The following SLC1A3 variants were observed in gnomAD, a reference collection of about 807,000 sequenced individuals.
SLC1A3 encodes solute carrier family 1 member 3.
SLC1A3 carries 21 observed loss-of-function variants against 48.1 expected under a neutral mutation model. The observed-to-expected ratio is 0.44, with a 90% CI of 0.31 to 0.63. The LOEUF is 0.63. Ranked by LOEUF, SLC1A3 falls within the 20% of genes least tolerant of loss-of-function variation. The pLI, the probability that SLC1A3 is intolerant of heterozygous loss-of-function variation, is 0.08. For missense variants in SLC1A3, 546 were observed against 689.0 expected (o/e 0.79, Z 2.32); for synonymous variants, 239 against 251.4 (o/e 0.95, Z 0.47).
intron 3 of SLC1A3, among the ~76,000 whole-genome samples, chr5:36,662,039 A>G (rs1741533963): frequency 6.6e-6 from 1 of 152,232 alleles, no homozygotes; most frequent in African/African-American, 2.4e-5. Flanking sequence ...CTACTCATCC[A>G]GTGGTCAGTT....
chr5:36,632,539 T>C (rs906027058), intron 3 of SLC1A3, among the ~76,000 whole-genome samples: 1 of 152,216 alleles, frequency 6.6e-6, no homozygotes. Flanking sequence ...GTAGCCATTC[T>C]GGTCTTTTCT....
chr5:36,679,615 G>T lies in SLC1A3; in HGVS notation c.861-12G>T, dbSNP rs1742351032. 6.3e-7 allele frequency: 1 copy of T among 1,588,742 alleles called. No individual in the cohort carries two copies. ...ACCAGACTCCAACCGTGCTGGTGTT[G>T]CTTCTCCCCAGGTATGCCCCCGTGG... On this transcript the variant is annotated splice_polypyrimidine_tract_variant and intron_variant, in intron 6 of 9. Coordinates refer to ENST00000265113, the MANE Select transcript of SLC1A3 (RefSeq NM_004172.5).
intron 8 of SLC1A3, among the ~76,000 whole-genome samples, chr5:36,683,298 AG>A (rs1742509810): frequency 6.6e-6 from 1 of 152,258 alleles, no homozygotes; most frequent in Non-Finnish European, 1.5e-5. Flanking sequence ...CAACTTCACA[AG>A]GGTCATTGTA....
At chr5:36,654,488 C>G (rs1741211588) in intron 3 of SLC1A3, among the ~76,000 whole-genome samples, 2 of 152,190 alleles carry the variant, frequency 1.3e-5, no homozygotes, top group Non-Finnish European at 2.9e-5. Context: ...AATGCTGCAG[C>G]CTCCCTAAGA....
intron 3 of SLC1A3, among the ~76,000 whole-genome samples, chr5:36,636,853 C>T (rs372171): frequency 0.19 from 29,472 of 151,970 alleles, 4,609 homozygotes; most frequent in African/African-American, 0.43. Context: ...TGCAACCTTG[C>T]TACCAGAGCA....
At chr5:36,607,262 C>G (rs915084144) in intron 1 of SLC1A3, 2 of 152,140 alleles carry the variant, frequency 1.3e-5, no homozygotes, top group East Asian at 1.9e-4. Context: ...GTTACCTCCC[C>G]CACAGGCGCA....
intron 2 of SLC1A3, among the ~76,000 whole-genome samples, chr5:36,626,144 T>C (rs556052660): frequency 5.3e-5 from 8 of 152,100 alleles, no homozygotes; most frequent in Non-Finnish European, 1.2e-4. Context: ...GAGAAGGTAG[T>C]AGAACACCCA....
upstream of SLC1A3, among the ~76,000 whole-genome samples, chr5:36,602,329 A>G (rs1219948052): frequency 6.6e-6 from 1 of 152,222 alleles, no homozygotes; most frequent in Non-Finnish European, 1.5e-5. Context: ...CTACAGGACC[A>G]GTAATAATAG....
chr5:36,683,395 G>A (rs1742514476), intron 8 of SLC1A3, among the ~76,000 whole-genome samples: 1 of 140,034 alleles, frequency 7.1e-6, no homozygotes, highest in African/African-American at 2.8e-5. Context: ...ATGATGATTA[G>A]TTCAATTTTT....
chr5:36,602,487 T>G (rs1392988421), upstream of SLC1A3, among the ~76,000 whole-genome samples: 1 of 152,232 alleles, frequency 6.6e-6, no homozygotes, highest in Non-Finnish European at 1.5e-5. Flanking sequence ...TAAACGGATA[T>G]TCTTGGTTCT....
At chr5:36,635,493 A>C (rs1740304101) in intron 3 of SLC1A3, among the ~76,000 whole-genome samples, 1 of 152,262 alleles carries the variant, frequency 6.6e-6, no homozygotes, top group Non-Finnish European at 1.5e-5. Flanking sequence ...TTTCCTATTA[A>C]GGTAAATTGA....
intron 3 of SLC1A3, among the ~76,000 whole-genome samples, chr5:36,632,318 A>G (rs1469765556): frequency 3.9e-5 from 6 of 152,222 alleles, no homozygotes; most frequent in African/African-American, 9.6e-5. Flanking sequence ...ACCCATTCCA[A>G]TGTAATTCCA....
At chr5:36,667,727 C>T (rs1741813625) in intron 3 of SLC1A3, 1 of 152,176 alleles carries the variant, frequency 6.6e-6, no homozygotes, top group South Asian at 2.1e-4. Flanking sequence ...GTACAAAACA[C>T]ACACACAAAT....
intron 1 of SLC1A3, among the ~76,000 whole-genome samples, chr5:36,599,752 C>A (rs1399900690): frequency 6.6e-6 from 1 of 151,906 alleles, no homozygotes; most frequent in Non-Finnish European, 1.5e-5. Flanking sequence ...GTGATCCACC[C>A]GCTTAGGCCT....
At chr5:36,641,230 A>T (rs1416355670) in intron 3 of SLC1A3, among the ~76,000 whole-genome samples, 1 of 152,210 alleles carries the variant, frequency 6.6e-6, no homozygotes, top group Non-Finnish European at 1.5e-5. Flanking sequence ...ATGTATGGGC[A>T]CACATAGCTT....
intron 4 of SLC1A3, 99 bp from the exon 5 acceptor site, chr5:36,673,950 G>A (rs1350703955): frequency 4.4e-6 from 4 of 915,750 alleles, no homozygotes; most frequent in Non-Finnish European, 5.5e-6. Flanking sequence ...TTTGTTGCTT[G>A]GTTCAATGCA....
rs1167208574 is a variant in SLC1A3, at chr5:36,686,084, A to T, written c.1444A>T (p.Thr482Ser). 1 of 1,613,938 alleles carries T rather than the reference A, an allele frequency of 6.2e-7. No homozygotes were observed. Among genetic ancestry groups the T allele is most frequent in the East Asian group, 2.2e-5 (1 of 44,876 alleles). ...DWFLDRLRTT[T>S]NVLGDSLGAG... ...CTGCAGGGATCGCCTCCGGACCACC[A>T]CCAACGTACTGGGAGACTCCCTGGG... Residue 482 changes from threonine to serine, a missense_variant, in exon 10 of 10, where the codon ACC becomes TCC. Thr to Ser is a moderately conservative substitution (Grantham distance 58). Coordinates refer to ENST00000265113, the MANE Select transcript of SLC1A3 (RefSeq NM_004172.5).
chr5:36,683,897 T>G lies in SLC1A3; in HGVS notation c.1323T>G (p.Ala441=). 4 of 1,614,196 alleles carry G rather than the reference T, an allele frequency of 2.5e-6. No homozygotes were observed. The highest frequency in any genetic ancestry group is 3.4e-6 in the Non-Finnish European group (4 of 1,180,014). Residue 441 remains alanine, a synonymous_variant, in exon 9 of 10, where the codon GCT becomes GCG. Transcript: ENST00000265113. ...CCACAGCTGCCAGTATTGGGGCAGC[T>G]GGAATTCCTCAGGCGGGCCTGGTCA... is the stretch of plus-strand genomic sequence containing the variant. The part of the protein sequence containing the change: ...ITATAASIGA[A]GIPQAGLVTM...
intron 5 of SLC1A3, 106 bp from the exon 6 acceptor site, chr5:36,676,786 A>G (rs1742225783): frequency 1.2e-6 from 1 of 853,994 alleles, no homozygotes; most frequent in Non-Finnish European, 1.8e-6. Flanking sequence ...CTCTGAATAC[A>G]AAGTAACAGA....
Sources: gnomAD v4.1 joint callset for allele counts (sites outside exome capture counted in the v4.1 genomes callset) on GRCh38, gnomAD v4.1.1 for gene constraint, MANE v1.5 for transcripts, NCBI Gene and HGNC (gene_info 2026-07-23, HGNC 2026-07-21) for gene names.